The following KCNIP4 variants were observed in gnomAD, a reference collection of about 807,000 sequenced individuals.
The protein encoded by KCNIP4 is potassium voltage-gated channel interacting protein 4.
A neutral mutation model predicts 34.0 loss-of-function variants in KCNIP4; 12 were observed. The ratio of observed to expected loss-of-function variants is 0.35; its 90% confidence interval spans 0.23 to 0.57. The LOEUF (loss-of-function observed/expected upper bound fraction) is 0.57, where lower values mean the gene tolerates loss of function less well. KCNIP4 is among the 20% of genes least tolerant of loss of function. The pLI, the probability that KCNIP4 is intolerant of heterozygous loss-of-function variation, is 0.83. For synonymous variants in KCNIP4, 124 were observed against 102.2 expected, an observed-to-expected ratio of 1.21 and a Z score of -1.29; for missense variants, 238 against 311.7, an observed-to-expected ratio of 0.76 and a Z score of 1.78.
intron 1 of KCNIP4, among the ~76,000 whole-genome samples, chr4:21,288,978 A>C (rs1172736754): frequency 6.6e-6 from 1 of 152,164 alleles, no homozygotes; most frequent in East Asian, 1.9e-4. Context: ...CCCACTTGTT[A>C]ATAAAGGAAA....
intron 1 of KCNIP4, among the ~76,000 whole-genome samples, chr4:21,737,334 T>C (rs1303217616): frequency 6.6e-6 from 1 of 152,182 alleles, no homozygotes; most frequent in Non-Finnish European, 1.5e-5. Flanking sequence ...ACACATATAT[T>C]GCTCTTACCT....
chr4:21,240,022 C>T (rs1343669947), intron 1 of KCNIP4, among the ~76,000 whole-genome samples: 1 of 151,904 alleles, frequency 6.6e-6, no homozygotes, highest in Non-Finnish European at 1.5e-5. Context: ...GGCACATATA[C>T]ACCATGGAAT....
intron 1 of KCNIP4, among the ~76,000 whole-genome samples, chr4:21,726,745 T>C (rs1417378865): frequency 1.3e-5 from 2 of 152,164 alleles, no homozygotes; most frequent in African/African-American, 2.4e-5. Context: ...TGAGAAAATA[T>C]CCTGTTCACC....
chr4:21,029,774 C>G (rs570756479), intron 1 of KCNIP4, among the ~76,000 whole-genome samples: 129 of 152,218 alleles, frequency 8.5e-4, no homozygotes, highest in African/African-American at 2.9e-3. Flanking sequence ...CCCATGTTGA[C>G]CTTTATGCTC....
chr4:21,877,161 T>C (rs1282658257), intron 1 of KCNIP4, among the ~76,000 whole-genome samples: 1 of 152,122 alleles, frequency 6.6e-6, no homozygotes, highest in Non-Finnish European at 1.5e-5. Context: ...AAGAACAGCC[T>C]GACCAACATG....
chr4:20,955,892 G>A (rs1307220695), intron 1 of KCNIP4, among the ~76,000 whole-genome samples: 1 of 152,108 alleles, frequency 6.6e-6, no homozygotes, highest in South Asian at 2.1e-4. Context: ...CAGAGCAAAT[G>A]GGAAGGTTAT....
intron 3 of KCNIP4, among the ~76,000 whole-genome samples, chr4:20,759,322 CA>C (rs1754753088): frequency 6.6e-6 from 1 of 152,170 alleles, no homozygotes. Flanking sequence ...ACTCTATTGG[CA>C]TCTCTAGTGG....
intron 1 of KCNIP4, among the ~76,000 whole-genome samples, chr4:21,872,112 T>G (rs1725856072): frequency 6.6e-6 from 1 of 152,070 alleles, no homozygotes; most frequent in Non-Finnish European, 1.5e-5. Context: ...TGCAATTCCC[T>G]GACCTGGGAA....
intron 1 of KCNIP4, among the ~76,000 whole-genome samples, chr4:21,393,125 A>G (rs1360929416): frequency 2.6e-5 from 4 of 152,212 alleles, no homozygotes; most frequent in Non-Finnish European, 5.9e-5. Flanking sequence ...GTAGGTGGAC[A>G]TGTGACTATA....
At chr4:20,752,488 A>G (rs897557663) in intron 4 of KCNIP4, 2 of 152,218 alleles carry the variant, frequency 1.3e-5, no homozygotes, top group Non-Finnish European at 2.9e-5. Flanking sequence ...TTTTATTTCA[A>G]CTACCTTAAA....
intron 1 of KCNIP4, among the ~76,000 whole-genome samples, chr4:21,934,966 C>T (rs1729774060): frequency 6.6e-6 from 1 of 152,168 alleles, no homozygotes; most frequent in African/African-American, 2.4e-5. Context: ...TATGTGCATG[C>T]ACATGTACAA....
intron 1 of KCNIP4, among the ~76,000 whole-genome samples, chr4:20,947,440 A>AT (rs1732305014): frequency 6.6e-6 from 1 of 152,122 alleles, no homozygotes; most frequent in African/African-American, 2.4e-5. Context: ...AAGTGCTGGG[A>AT]TTACAGGCAT....
chr4:21,390,433 T>G (rs1722462396), intron 1 of KCNIP4, among the ~76,000 whole-genome samples: 1 of 152,232 alleles, frequency 6.6e-6, no homozygotes, highest in Admixed American at 6.5e-5. Flanking sequence ...TTTATGGTTT[T>G]AAGTCTAACA....
At chr4:21,615,577 T>C (rs907648329) in intron 1 of KCNIP4, among the ~76,000 whole-genome samples, 2 of 149,502 alleles carry the variant, frequency 1.3e-5, no homozygotes, top group Non-Finnish European at 3.0e-5. Context: ...AAAAAAAACA[T>C]ATAAAAGTAA....
At chr4:21,165,828 G>A (rs1753591100) in intron 1 of KCNIP4, among the ~76,000 whole-genome samples, 1 of 152,216 alleles carries the variant, frequency 6.6e-6, no homozygotes, top group African/African-American at 2.4e-5. Flanking sequence ...AATTTCCAAT[G>A]CAGCAGCATT....
chr4:21,437,880 A>AGTGTGTGTGTGTGT (rs71655635), intron 1 of KCNIP4, among the ~76,000 whole-genome samples: 1 of 143,268 alleles, frequency 7.0e-6, no homozygotes, highest in Non-Finnish European at 1.5e-5. Flanking sequence ...TTATTTTACA[A>AGTGTGTGTGTGTGT]GTGTGTGTGT....
chr4:20,947,468 T>C (rs1836520), intron 1 of KCNIP4, among the ~76,000 whole-genome samples: 133,192 of 152,194 alleles, frequency 0.88, 58,620 homozygotes, highest in African/African-American at 0.97. Flanking sequence ...CACACCTGGC[T>C]GATATTCCTA....
At chr4:21,291,343 T>C in intron 1 of KCNIP4, among the ~76,000 whole-genome samples, 1 of 129,008 alleles carries the variant, frequency 7.8e-6, no homozygotes, top group African/African-American at 2.6e-5. Context: ...GAGTCTAGCA[T>C]ATGTTTATAC....
chr4:21,643,868 G>C (rs548819750), intron 1 of KCNIP4, among the ~76,000 whole-genome samples: 190 of 68,182 alleles, frequency 2.8e-3, no homozygotes, highest in African/African-American at 0.011. Context: ...TGATGATGAT[G>C]ATGATAGATA....
Sources: gnomAD v4.1 joint callset for allele counts (sites outside exome capture counted in the v4.1 genomes callset) on GRCh38, gnomAD v4.1.1 for gene constraint, MANE v1.5 for transcripts, NCBI Gene and HGNC (gene_info 2026-07-23, HGNC 2026-07-21) for gene names.